Variants in VWC2L observed in about 807,000 individuals in gnomAD.
The protein encoded by VWC2L is von Willebrand factor C domain-containing protein 2-like.
VWC2L carries 10 observed loss-of-function variants against 21.6 expected under a neutral mutation model. The ratio of observed to expected loss-of-function variants is 0.46; its 90% CI spans 0.29 to 0.78. The LOEUF is 0.78. Among genes scored for constraint, VWC2L ranks in the 30% least tolerant of loss-of-function variants. The pLI is 0.10. For synonymous variants in VWC2L, 96 were observed against 94.3 expected, an observed-to-expected ratio of 1.02 and a Z score of -0.10; for missense variants, 209 against 277.1, an observed-to-expected ratio of 0.75 and a Z score of 1.74.
intron 3 of VWC2L, among the ~76,000 whole-genome samples, chr2:214,468,136 C>T (rs1348593226): frequency 6.6e-6 from 1 of 152,096 alleles, no homozygotes; most frequent in Non-Finnish European, 1.5e-5. Context: ...CCTGCCTCAG[C>T]CTCCTGAGTA....
At chr2:214,553,346 C>G (rs4233999) in intron 3 of VWC2L, among the ~76,000 whole-genome samples, 1 of 152,070 alleles carries the variant, frequency 6.6e-6, no homozygotes, top group Admixed American at 6.5e-5. Flanking sequence ...GGCTACAGCT[C>G]GATTTTATAT....
chr2:214,510,017 C>T (rs952964516), intron 3 of VWC2L, among the ~76,000 whole-genome samples: 1 of 152,110 alleles, frequency 6.6e-6, no homozygotes, highest in African/African-American at 2.4e-5. Flanking sequence ...AAAATAAGAT[C>T]CCAGTTGAAA....
intron 3 of VWC2L, among the ~76,000 whole-genome samples, chr2:214,550,170 G>T (rs1396935975): frequency 6.6e-6 from 1 of 152,162 alleles, no homozygotes; most frequent in African/African-American, 2.4e-5. Context: ...AATCCCTAGG[G>T]CTGTGCTGTG....
chr2:214,424,426 G>A (rs1456973385), intron 2 of VWC2L, among the ~76,000 whole-genome samples: 2 of 152,168 alleles, frequency 1.3e-5, no homozygotes. Context: ...GCTCAAAAGT[G>A]TGGTGAAAAT....
At chr2:214,413,776 C>A (rs960902553) in intron 1 of VWC2L, among the ~76,000 whole-genome samples, 2 of 152,082 alleles carry the variant, frequency 1.3e-5, no homozygotes, top group Non-Finnish European at 2.9e-5. Context: ...TTCAAATATT[C>A]TTGAGCTATT....
intron 3 of VWC2L, among the ~76,000 whole-genome samples, chr2:214,537,731 AC>A (rs1574624630): frequency 2.0e-5 from 3 of 152,136 alleles, no homozygotes; most frequent in Admixed American, 6.6e-5. Flanking sequence ...GTAATCTGTC[AC>A]AAAAATGTAT....
At chr2:214,549,602 G>C (rs1452080007) in intron 3 of VWC2L, among the ~76,000 whole-genome samples, 2 of 152,140 alleles carry the variant, frequency 1.3e-5, no homozygotes, top group African/African-American at 4.8e-5. Flanking sequence ...GTGAAACCAT[G>C]TCTCTACTGA....
At chr2:214,423,276 T>C (rs1038634832) in intron 2 of VWC2L, among the ~76,000 whole-genome samples, 1 of 152,128 alleles carries the variant, frequency 6.6e-6, no homozygotes, top group African/African-American at 2.4e-5. Context: ...GCGCTGACCA[T>C]AGAATTTTAG....
At chr2:214,431,479 T>C (rs1259341549) in intron 2 of VWC2L, among the ~76,000 whole-genome samples, 1 of 152,204 alleles carries the variant, frequency 6.6e-6, no homozygotes, top group Non-Finnish European at 1.5e-5. Context: ...TAATATCACT[T>C]GATCAGAAGG....
intron 3 of VWC2L, among the ~76,000 whole-genome samples, chr2:214,484,097 A>G (rs796476859): frequency 3.3e-5 from 5 of 152,194 alleles, no homozygotes; most frequent in East Asian, 1.9e-4. Context: ...GCATCTTCAC[A>G]TGGCCTGCTC....
At chr2:214,569,021 C>T (rs1031518778) in intron 3 of VWC2L, among the ~76,000 whole-genome samples, 1 of 152,142 alleles carries the variant, frequency 6.6e-6, no homozygotes, top group African/African-American at 2.4e-5. Flanking sequence ...GGACTTTACT[C>T]TTTATAAAGG....
At chr2:214,527,728 C>A (rs1286246343) in intron 3 of VWC2L, among the ~76,000 whole-genome samples, 1 of 152,152 alleles carries the variant, frequency 6.6e-6, no homozygotes, top group Non-Finnish European at 1.5e-5. Context: ...GCCCTCCTCT[C>A]CCTGTTTATT....
intron 3 of VWC2L, among the ~76,000 whole-genome samples, chr2:214,449,731 T>C (rs983214242): frequency 6.6e-6 from 1 of 152,142 alleles, no homozygotes; most frequent in Non-Finnish European, 1.5e-5. Context: ...TACCCCTCAA[T>C]TGAGAAAGGG....
At chr2:214,451,348 A>G (rs1436527637) in intron 3 of VWC2L, among the ~76,000 whole-genome samples, 2 of 150,160 alleles carry the variant, frequency 1.3e-5, no homozygotes, top group East Asian at 3.9e-4. Flanking sequence ...ATTGTCATCC[A>G]ATGACTACCT....
intron 2 of VWC2L, among the ~76,000 whole-genome samples, chr2:214,432,540 A>G (rs1172186105): frequency 1.3e-5 from 2 of 152,238 alleles, no homozygotes; most frequent in African/African-American, 4.8e-5. Flanking sequence ...TTGTTGATTT[A>G]TAATGGCCAG....
At chr2:214,519,296 A>G (rs963910239) in intron 3 of VWC2L, among the ~76,000 whole-genome samples, 1 of 152,200 alleles carries the variant, frequency 6.6e-6, no homozygotes, top group African/African-American at 2.4e-5. Context: ...CCCACTATGC[A>G]CCAAGCACCT....
intron 3 of VWC2L, among the ~76,000 whole-genome samples, chr2:214,537,427 G>A (rs377124378): frequency 4.6e-4 from 66 of 143,846 alleles, no homozygotes; most frequent in African/African-American, 1.5e-3. Flanking sequence ...ACAAAAAGAC[G>A]AAAAAAAAAA....
At chr2:214,469,384 G>A (rs12473054) in intron 3 of VWC2L, among the ~76,000 whole-genome samples, 1 of 152,158 alleles carries the variant, frequency 6.6e-6, no homozygotes, top group Admixed American at 6.5e-5. Flanking sequence ...TGGATCACGA[G>A]GCCAGGAGAT....
At chr2:214,527,599 C>G (rs1053825020) in intron 3 of VWC2L, among the ~76,000 whole-genome samples, 2 of 152,026 alleles carry the variant, frequency 1.3e-5, no homozygotes, top group African/African-American at 4.8e-5. Context: ...TTATCTCTAC[C>G]TGGAATATCT....
Sources: allele counts gnomAD v4.1 joint callset (sites outside exome capture counted in the v4.1 genomes callset), GRCh38; gene constraint gnomAD v4.1.1; transcripts MANE v1.5; gene names NCBI Gene and HGNC (gene_info 2026-07-23, HGNC 2026-07-21).